CEP128: variants seen among roughly 807,000 people sequenced by gnomAD.
The protein encoded by CEP128 is centrosomal protein 128.
In CEP128, 132 loss-of-function variants were observed where a neutral mutation model predicts 156.7. That is an observed-to-expected ratio of 0.84 (90% confidence interval 0.73 to 0.97). The LOEUF is 0.97. CEP128 is among the 50% of genes least tolerant of loss of function. The pLI is 0.00. For missense variants in CEP128, 1,252 were observed against 1,281.9 expected (o/e 0.98, Z 0.36); for synonymous variants, 469 against 448.9 (o/e 1.04, Z -0.57).
chr14:80,695,729 G>T (rs1027929471), intron 19 of CEP128, among the ~76,000 whole-genome samples: 1 of 145,844 alleles, frequency 6.9e-6, no homozygotes, highest in South Asian at 2.1e-4. Context: ...AAAAAAAAAA[G>T]AAATTGCAGG....
intron 13 of CEP128, among the ~76,000 whole-genome samples, chr14:80,818,969 G>A (rs1199141363): frequency 6.6e-6 from 1 of 152,144 alleles, no homozygotes; most frequent in Non-Finnish European, 1.5e-5. Context: ...TATTTCTTAA[G>A]ATTTAGAGTT....
At chr14:80,573,960 G>T (rs1366229466) in intron 20 of CEP128, among the ~76,000 whole-genome samples, 3 of 152,118 alleles carry the variant, frequency 2.0e-5, no homozygotes, top group Non-Finnish European at 4.4e-5. Flanking sequence ...AGAAGACATA[G>T]AGATACGCAG....
At position 80,638,830 on chromosome 14, in the gene CEP128, A is replaced by G. The variant is rs1313177829; in HGVS notation, c.2807-58407T>C. On this transcript the variant is annotated intron_variant, in intron 19 of 24. Transcript: ENST00000555265. ...GGTAGCTCCTAACATTTCAAATACT[A>G]TCTCTGAATTTGATCAAGACTCAGA... Among the ~76,000 whole-genome samples, 4 of 152,200 alleles carry G rather than the reference A, an allele frequency of 2.6e-5. No individual in the cohort carries two copies. The East Asian group carries it at 7.7e-4, about 29-fold the overall frequency.
chr14:80,678,160 G>C (rs1299950762), intron 19 of CEP128, among the ~76,000 whole-genome samples: 1 of 151,222 alleles, frequency 6.6e-6, no homozygotes, highest in Non-Finnish European at 1.5e-5. Context: ...TAAGCTGAGA[G>C]CCCTCATTTC....
intron 19 of CEP128, among the ~76,000 whole-genome samples, chr14:80,698,134 T>G (rs1226206722): frequency 6.6e-6 from 1 of 152,060 alleles, no homozygotes; most frequent in Non-Finnish European, 1.5e-5. Flanking sequence ...TTTTTGCTAT[T>G]TTAAAAATAC....
chr14:80,826,508 A>G (rs1285486113), intron 13 of CEP128, among the ~76,000 whole-genome samples: 1 of 152,222 alleles, frequency 6.6e-6, no homozygotes, highest in East Asian at 1.9e-4. Context: ...GGCATACAGT[A>G]AAATGGTCAG....
At chr14:80,822,666 A>T (rs1885252908) in intron 13 of CEP128, 2 of 765,346 alleles carry the variant, frequency 2.6e-6, no homozygotes, top group Non-Finnish European at 4.8e-6. Flanking sequence ...CCTGCAAAGA[A>T]GGGAGAGAAA....
intron 13 of CEP128, among the ~76,000 whole-genome samples, chr14:80,815,533 AACT>A (rs1202719157): frequency 6.6e-6 from 1 of 152,228 alleles, no homozygotes; most frequent in Admixed American, 6.5e-5. Flanking sequence ...TAAAAAATAG[AACT>A]ACTGTTCAAG....
intron 20 of CEP128, among the ~76,000 whole-genome samples, chr14:80,574,706 C>T (rs1391249024): frequency 1.3e-5 from 2 of 151,944 alleles, no homozygotes; most frequent in African/African-American, 4.8e-5. Context: ...CTATTTTTTT[C>T]CTCGAAAGAC....
chr14:80,533,458 TTAAG>T (rs761798367), intron 21 of CEP128, among the ~76,000 whole-genome samples: 51 of 152,206 alleles, frequency 3.4e-4, no homozygotes, highest in Admixed American at 5.2e-4. Context: ...ACGCAGCATG[TTAAG>T]TAAATAGTTT....
chr14:80,754,575 G>A (rs1322950954), intron 18 of CEP128, among the ~76,000 whole-genome samples: 1 of 148,366 alleles, frequency 6.7e-6, no homozygotes, highest in Non-Finnish European at 1.5e-5. Flanking sequence ...CAATTTGCCT[G>A]CCTCAGCCTC....
intron 21 of CEP128, among the ~76,000 whole-genome samples, chr14:80,551,000 G>A (rs1238780096): frequency 6.6e-6 from 1 of 151,938 alleles, no homozygotes; most frequent in Non-Finnish European, 1.5e-5. Context: ...CACAAATCTT[G>A]TTCACATAAA....
chr14:80,813,187 T>C (rs1355300116), intron 13 of CEP128, among the ~76,000 whole-genome samples: 2 of 152,236 alleles, frequency 1.3e-5, no homozygotes, highest in African/African-American at 4.8e-5. Context: ...ACTCCGTTGA[T>C]AGTTTCTTTT....
intron 23 of CEP128, among the ~76,000 whole-genome samples, chr14:80,505,294 A>AAACTT (rs2140194109): frequency 6.6e-6 from 1 of 152,366 alleles, no homozygotes; most frequent in Admixed American, 6.5e-5. Flanking sequence ...TGTTTAACTT[A>AAACTT]AACTTATGCT....
intron 19 of CEP128, among the ~76,000 whole-genome samples, chr14:80,644,226 G>A (rs1161158485): frequency 6.6e-6 from 1 of 152,202 alleles, no homozygotes; most frequent in South Asian, 2.1e-4. Context: ...AACTGTGAGA[G>A]AATAAATTTC....
chr14:80,790,453 A>C (rs1901644934), intron 14 of CEP128, among the ~76,000 whole-genome samples: 1 of 152,144 alleles, frequency 6.6e-6, no homozygotes, highest in Non-Finnish European at 1.5e-5. Context: ...GATTATTTGT[A>C]TCTATAAAGT....
At chr14:80,703,965 A>T (rs1048288797) in intron 19 of CEP128, among the ~76,000 whole-genome samples, 12 of 152,134 alleles carry the variant, frequency 7.9e-5, no homozygotes, top group African/African-American at 2.4e-4. Context: ...ATAAAAGAGA[A>T]GCAAAGAAAA....
At chr14:80,680,869 G>A (rs1382825052) in intron 19 of CEP128, among the ~76,000 whole-genome samples, 5 of 152,100 alleles carry the variant, frequency 3.3e-5, no homozygotes, top group African/African-American at 1.2e-4. Flanking sequence ...TACCCAGTGT[G>A]GCTCTGTCAA....
At chr14:80,875,101 A>C (rs1888219053) in intron 8 of CEP128, among the ~76,000 whole-genome samples, 1 of 152,206 alleles carries the variant, frequency 6.6e-6, no homozygotes, top group African/African-American at 2.4e-5. Context: ...AGTTTTTAGC[A>C]GATTCTTAAA....
Sources: allele counts gnomAD v4.1 joint callset (sites outside exome capture counted in the v4.1 genomes callset), GRCh38; gene constraint gnomAD v4.1.1; transcripts MANE v1.5; gene names NCBI Gene and HGNC (gene_info 2026-07-23, HGNC 2026-07-21).